Variants in PKHD1 observed in about 807,000 individuals in gnomAD.
PKHD1 encodes the protein fibrocystin.
PKHD1 carries 291 observed loss-of-function variants against 412.0 expected under a neutral mutation model. The observed-to-expected ratio is 0.71, with a 90% CI of 0.64 to 0.78. PKHD1 has a LOEUF of 0.78. Ranked by LOEUF, PKHD1 falls within the 30% of genes least tolerant of loss-of-function variation. The pLI is 0.00. For missense variants in PKHD1, 4,825 were observed against 4,950.7 expected, an observed-to-expected ratio of 0.97 and a Z score of 0.76; for synonymous variants, 1,777 against 1,821.5, an observed-to-expected ratio of 0.98 and a Z score of 0.62.
intron 11 of PKHD1, among the ~76,000 whole-genome samples, chr6:52,066,897 C>T (rs978620320): frequency 6.6e-6 from 1 of 151,910 alleles, no homozygotes; most frequent in African/African-American, 2.4e-5. Context: ...GAGACCCTGT[C>T]TCAAGAAAAA....
At chr6:52,018,196 T>C (rs1030828804) in intron 33 of PKHD1, among the ~76,000 whole-genome samples, 1 of 152,182 alleles carries the variant, frequency 6.6e-6, no homozygotes, top group African/African-American at 2.4e-5. Context: ...TCTATTCTCT[T>C]ATCAATGAAC....
chr6:51,623,685 G>A (rs1477162107), intron 66 of PKHD1, among the ~76,000 whole-genome samples: 3 of 152,094 alleles, frequency 2.0e-5, no homozygotes, highest in Non-Finnish European at 4.4e-5. Context: ...CTGGTTTCAA[G>A]CAATTCTCCA....
In PKHD1 at chr6:52,043,642, G is replaced by T. The variant is rs779817512; in HGVS notation, c.2804C>A (p.Ser935Tyr). ...AATCATACCAATGGAGTACCACACA[G>T]AATGGACACAGGGAGTTGACCCTTG... ...YLQGSTPCVH[S>Y]VWYSIDGDIN... The change falls in exon 26 of 67, where the codon TCT (serine) becomes TAT (tyrosine). Residue 935 changes from serine to tyrosine, a missense_variant. Coordinates refer to ENST00000371117, the MANE Select transcript of PKHD1 (RefSeq NM_138694.4). 2 of 1,610,888 alleles carry T rather than the reference G, an allele frequency of 1.2e-6. No homozygotes were observed. Among genetic ancestry groups the T allele is most frequent in the East Asian group, 4.5e-5 (2 of 44,850 alleles).
intron 52 of PKHD1, among the ~76,000 whole-genome samples, chr6:51,815,167 G>A (rs550865487): frequency 6.6e-5 from 10 of 152,308 alleles, no homozygotes; most frequent in South Asian, 4.1e-4. Flanking sequence ...GTCAGTGACT[G>A]CATCTCACTC....
intron 38 of PKHD1, 114 bp from the exon 39 acceptor site, chr6:51,912,070 AG>A: frequency 3.4e-6 from 3 of 878,688 alleles, no homozygotes; most frequent in Non-Finnish European, 5.4e-6. Flanking sequence ...ATGTTTCTTT[AG>A]AAACTCAATA....
rs1229066296 is a variant in PKHD1, at chr6:52,027,532, C to CAA, written c.3628+295_3628+296dup. On this transcript the variant is annotated intron_variant, in intron 31 of 66. Transcript: ENST00000371117. ...GGGCAACAAGAGCGAAACTCCGTCT[C>CAA]AAAAAAAAAAAAAAAAAGAAGAAGA... 9.3e-3 allele frequency among the ~76,000 whole-genome samples: 778 copies of CAA among 83,644 alleles called. 15 individuals are homozygous for CAA. Among genetic ancestry groups the CAA allele is most frequent in the African/African-American group, 0.027 (501 of 18,232 alleles). 54.9% of individuals were successfully genotyped at this position (83,644 alleles called of 152,430 possible).
At position 51,934,293 on chromosome 6, in the gene PKHD1, G is replaced by A; in HGVS notation, c.5938C>T (p.Pro1980Ser). Residue 1980 changes from proline to serine, a missense_variant, in exon 37 of 67, where the codon CCC becomes TCC. By Grantham distance (74) the Pro-to-Ser change is moderately conservative (BLOSUM62 -1). Transcript: ENST00000371117. ...GGKLIFMAPG[P>S]IELRAHAILV... is the part of the protein sequence containing the mutation. The stretch of plus-strand genomic sequence containing the variant: ...ATGGCGTGTGCCCTGAGCTCGATGG[G>A]TCCTGGGGCCATGAAAATCAGCTTG... 6.2e-7 allele frequency: 1 copy of A among 1,612,728 alleles called. No homozygotes were observed.
chr6:51,673,674 C>T (rs1775374553), intron 60 of PKHD1, among the ~76,000 whole-genome samples: 1 of 152,082 alleles, frequency 6.6e-6, no homozygotes, highest in Admixed American at 6.6e-5. Flanking sequence ...ACTCATGAAG[C>T]AGGTAGTCAG....
intron 48 of PKHD1, among the ~76,000 whole-genome samples, chr6:51,865,941 C>T (rs1039850753): frequency 2.6e-5 from 4 of 152,224 alleles, no homozygotes; most frequent in African/African-American, 9.6e-5. Context: ...TTAGAAGGAC[C>T]TTAGAGGAGT....
chr6:51,812,892 G>A (rs541459909), intron 52 of PKHD1, among the ~76,000 whole-genome samples: 24 of 152,196 alleles, frequency 1.6e-4, no homozygotes, highest in African/African-American at 5.3e-4. Flanking sequence ...TCTTAACCCA[G>A]ACACTCCTTT....
chr6:51,753,264 C>T lies in PKHD1; in HGVS notation c.8887G>A (p.Val2963Ile), dbSNP rs749794881. 1.7e-5 allele frequency: 27 copies of T among 1,613,580 alleles called. 1 individual carries two copies. The highest frequency in any genetic ancestry group is 3.3e-4 in the Middle Eastern group (2 of 6,078). The change falls in exon 57 of 67, where the codon GTA (valine) becomes ATA (isoleucine). Residue 2963 changes from valine (V) to isoleucine (I), a missense_variant. Val to Ile is a conservative substitution (Grantham distance 29, BLOSUM62 3). Transcript: ENST00000371117. ...ACAAACAGTCTCCCCCTACATGATA[C>T]GTCAGGCTGAATTTGTATATTTCGG... ...LTRNIQIQPDVSCRGRLFVGS... is the reference protein window; with the variant it reads ...LTRNIQIQPDISCRGRLFVGS...
chr6:51,888,165 A>T (rs13197284), intron 43 of PKHD1, among the ~76,000 whole-genome samples: 5 of 152,260 alleles, frequency 3.3e-5, no homozygotes, highest in African/African-American at 1.2e-4. Context: ...TACAACTACA[A>T]CTCAAATCTC....
At chr6:52,060,774 C>T (rs748834803) in intron 14 of PKHD1, among the ~76,000 whole-genome samples, 1 of 152,068 alleles carries the variant, frequency 6.6e-6, no homozygotes. Flanking sequence ...AATGTACATA[C>T]ATTATCTTTA....
At chr6:51,955,441 T>C (rs1790976556) in intron 36 of PKHD1, among the ~76,000 whole-genome samples, 1 of 152,070 alleles carries the variant, frequency 6.6e-6, no homozygotes, top group African/African-American at 2.4e-5. Context: ...TGACCCTGCC[T>C]TCTACTATAT....
At chr6:51,897,084 A>T (rs1780190281) in intron 43 of PKHD1, among the ~76,000 whole-genome samples, 1 of 151,862 alleles carries the variant, frequency 6.6e-6, no homozygotes, top group Admixed American at 6.6e-5. Context: ...GTTGGAAAAC[A>T]CTCTGCAGGA....
intron 60 of PKHD1, among the ~76,000 whole-genome samples, chr6:51,685,597 C>A (rs1016666246): frequency 2.0e-5 from 3 of 152,110 alleles, no homozygotes; most frequent in African/African-American, 4.8e-5. Flanking sequence ...CGTTATCTCA[C>A]CATCCAGAGG....
At chr6:51,891,560 T>C (rs529286332) in intron 43 of PKHD1, among the ~76,000 whole-genome samples, 1 of 152,218 alleles carries the variant, frequency 6.6e-6, no homozygotes, top group South Asian at 2.1e-4. Flanking sequence ...ATTATAGGCA[T>C]GAGGCACCGT....
intron 54 of PKHD1, 64 bp downstream of exon 54, chr6:51,775,744 G>T: frequency 1.2e-6 from 1 of 816,542 alleles, no homozygotes; most frequent in South Asian, 1.4e-5. Flanking sequence ...TTCTCTATCA[G>T]ACACAAGCAC....
intron 46 of PKHD1, among the ~76,000 whole-genome samples, chr6:51,881,067 TTTTC>T (rs1325129516): frequency 1.7e-4 from 21 of 126,174 alleles, no homozygotes; most frequent in African/African-American, 5.8e-4. Flanking sequence ...GGAACCCTCT[TTTTC>T]TTTCTTTTTT....
Sources: gnomAD v4.1 joint callset for allele counts (sites outside exome capture counted in the v4.1 genomes callset) on GRCh38, gnomAD v4.1.1 for gene constraint, MANE v1.5 for transcripts, NCBI Gene and HGNC (gene_info 2026-07-23, HGNC 2026-07-21) for gene names.